SLC25A24: variants seen among roughly 807,000 people sequenced by gnomAD.
SLC25A24 encodes solute carrier family 25 member 24, also known as mitochondrial adenyl nucleotide antiporter SLC25A24.
SLC25A24 carries 49 observed loss-of-function variants against 60.7 expected under a neutral mutation model. The ratio of observed to expected loss-of-function variants is 0.81; its 90% CI spans 0.64 to 1.02. The LOEUF is 1.02. SLC25A24 is among the 50% of genes least tolerant of loss of function. The probability of loss-of-function intolerance (pLI) is 0.00; values close to 1 mark genes in which losing one functional copy is unlikely to be tolerated. For synonymous variants in SLC25A24, 202 were observed against 200.6 expected (o/e 1.01, Z -0.06); for missense variants, 564 against 586.3 (o/e 0.96, Z 0.39).
intron 1 of SLC25A24, among the ~76,000 whole-genome samples, chr1:108,186,181 T>C (rs750370014): frequency 4.6e-5 from 7 of 152,222 alleles, no homozygotes; most frequent in Non-Finnish European, 8.8e-5. Flanking sequence ...AAATGATGCA[T>C]TGATTTTTAT....
intron 3 of SLC25A24, among the ~76,000 whole-genome samples, chr1:108,167,688 G>C (rs566017217): frequency 2.0e-5 from 3 of 152,158 alleles, no homozygotes; most frequent in Admixed American, 1.3e-4. Flanking sequence ...TGCGCCCACT[G>C]TCTGGCACTC....
At chr1:108,144,086 G>A (rs1679519616) in intron 7 of SLC25A24, among the ~76,000 whole-genome samples, 1 of 152,118 alleles carries the variant, frequency 6.6e-6, no homozygotes, top group Non-Finnish European at 1.5e-5. Flanking sequence ...AGTTGGGAAG[G>A]TGATACTATT....
chr1:108,151,830 T>G (rs1329106683), intron 6 of SLC25A24, among the ~76,000 whole-genome samples: 1 of 152,216 alleles, frequency 6.6e-6, no homozygotes, highest in Non-Finnish European at 1.5e-5. Flanking sequence ...GATATTGTAT[T>G]CTCTTTGAAT....
chr1:108,199,686 A>T, intron 1 of SLC25A24: 2 of 537,994 alleles, frequency 3.7e-6, no homozygotes, highest in South Asian at 5.5e-5. Context: ...TGTCTTAAAA[A>T]TTTAACAGTG....
intron 6 of SLC25A24, among the ~76,000 whole-genome samples, chr1:108,152,508 C>A (rs1210930265): frequency 6.6e-6 from 1 of 152,056 alleles, no homozygotes; most frequent in Non-Finnish European, 1.5e-5. Flanking sequence ...AGGCACACAC[C>A]CCCACGCCCA....
In SLC25A24 at chr1:108,180,658, C is replaced by G. The variant is rs866666516; in HGVS notation, c.398+1283G>C. On this transcript the variant is annotated intron_variant, in intron 3 of 9. Coordinates refer to ENST00000565488, the MANE Select transcript of SLC25A24 (RefSeq NM_013386.5). ...TCTCTCTCTCTCTCTCTCTCTCTCT[C>G]TCTCTCTCTGCCATATGACAATACA... Among the ~76,000 whole-genome samples, 108 of 105,026 alleles carry G rather than the reference C, an allele frequency of 1.0e-3. 1 individual carries two copies. The highest frequency in any genetic ancestry group is 3.7e-3 in the African/African-American group (105 of 28,734). 68.9% of individuals were successfully genotyped at this position (105,026 alleles called of 152,430 possible).
At chr1:108,195,656 GTCT>G (rs1460813071) in intron 1 of SLC25A24, among the ~76,000 whole-genome samples, 2 of 152,074 alleles carry the variant, frequency 1.3e-5, no homozygotes, top group Non-Finnish European at 2.9e-5. Context: ...TTCATATCAT[GTCT>G]TCTTAATATT....
chr1:108,165,740 T>G (rs1476160038), intron 3 of SLC25A24, among the ~76,000 whole-genome samples: 1 of 152,234 alleles, frequency 6.6e-6, no homozygotes, highest in Non-Finnish European at 1.5e-5. Context: ...GTCTTGACTC[T>G]GTATCCAATT....
At chr1:108,190,138 G>A (rs1372801340) in intron 1 of SLC25A24, among the ~76,000 whole-genome samples, 1 of 152,140 alleles carries the variant, frequency 6.6e-6, no homozygotes, top group Non-Finnish European at 1.5e-5. Context: ...TGTATTGACA[G>A]AGACTCAAAG....
chr1:108,150,039 C>T (rs12410160), intron 6 of SLC25A24, among the ~76,000 whole-genome samples: 17,670 of 152,224 alleles, frequency 0.12, 1,149 homozygotes, highest in South Asian at 0.2. Context: ...CATAAAACTC[C>T]TCTTCTGCAT....
At chr1:108,162,548 T>C (rs1237423436) in intron 3 of SLC25A24, among the ~76,000 whole-genome samples, 5 of 151,678 alleles carry the variant, frequency 3.3e-5, no homozygotes, top group Admixed American at 6.5e-5. Flanking sequence ...TGGCCAGTGA[T>C]GGTGAGCATT....
chr1:108,157,517 C>T lies in SLC25A24; in HGVS notation c.614G>A (p.Gly205Asp), dbSNP rs1679935708. Residue 205 changes from glycine to aspartate, a missense_variant, in exon 5 of 10, where the codon GGT (glycine) becomes GAT (aspartate). By Grantham distance (94) the Gly-to-Asp change is moderately conservative. Coordinates refer to ENST00000565488, the MANE Select transcript of SLC25A24 (RefSeq NM_013386.5). ...WRQLLAGGIAGAVSRTSTAPL... is the reference protein window; with the variant it reads ...WRQLLAGGIADAVSRTSTAPL... ...GGCAGTGCTTGTTCGAGAGACAGCA[C>T]CAGCAATGCCTCCTGCCAAAAGCTG... 1 of 1,614,040 alleles carries T rather than the reference C, an allele frequency of 6.2e-7. No individual in the cohort carries two copies. The highest frequency in any genetic ancestry group is 1.7e-5 in the Admixed American group (1 of 59,994).
rs1317903371 is a variant in SLC25A24, at chr1:108,163,208, T to C, written c.399-1915A>G. 2.6e-4 allele frequency among the ~76,000 whole-genome samples: 28 copies of C among 107,016 alleles called. 9 individuals are homozygous for C. Among genetic ancestry groups the C allele is most frequent in the Non-Finnish European group, 4.6e-4 (24 of 52,074 alleles). The allele number at this position is 107,016 out of a possible 152,430, so 70.2% of individuals were successfully genotyped here. A position where few individuals can be genotyped will look rare whatever the true frequency, so the allele number is the denominator to read the frequency against. On this transcript the variant is annotated intron_variant, in intron 3 of 9. Coordinates refer to ENST00000565488, the MANE Select transcript of SLC25A24 (RefSeq NM_013386.5). ...GTTTGGTTACTGTAGCCTTGTAGTA[T>C]AGTTTGAAGTCAGGTAGCATGATGC...
At chr1:108,174,379 G>A (rs1005557002) in intron 3 of SLC25A24, among the ~76,000 whole-genome samples, 1 of 152,192 alleles carries the variant, frequency 6.6e-6, no homozygotes, top group South Asian at 2.1e-4. Context: ...TGAGTCTGCG[G>A]GCACACAGAA....
intron 3 of SLC25A24, among the ~76,000 whole-genome samples, chr1:108,165,793 A>G (rs957364752): frequency 1.6e-4 from 24 of 152,148 alleles, no homozygotes; most frequent in African/African-American, 5.8e-4. Context: ...GTCCATTTAC[A>G]TTTAAAGTTA....
chr1:108,179,556 T>A (rs895106651), intron 3 of SLC25A24, among the ~76,000 whole-genome samples: 10 of 152,108 alleles, frequency 6.6e-5, no homozygotes, highest in Non-Finnish European at 1.3e-4. Flanking sequence ...GCTATATATA[T>A]ACAATAGAAA....
chr1:108,161,832 A>AC (rs953791117), intron 3 of SLC25A24, among the ~76,000 whole-genome samples: 8 of 151,956 alleles, frequency 5.3e-5, no homozygotes, highest in African/African-American at 1.9e-4. Flanking sequence ...GTTTTAGGGT[A>AC]CATGTGCACA....
Position 108,147,951 on chromosome 1 carries a change from T to C in SLC25A24, c.930+328A>G, listed in dbSNP as rs926216037. On this transcript the variant is annotated intron_variant, in intron 7 of 9. Transcript: ENST00000565488. Reference sequence around the variant, plus strand: ...CTCTAGGGAAGCCAGCTACTGTGTTTTGAGGATACTCAGGCAGCCTACAGA... The same window carrying C: ...CTCTAGGGAAGCCAGCTACTGTGTTCTGAGGATACTCAGGCAGCCTACAGA... 2.3e-4 allele frequency among the ~76,000 whole-genome samples: 35 copies of C among 152,284 alleles called. No individual in the cohort carries two copies. In the South Asian group the frequency reaches 2.5e-3, roughly 11 times the overall value.
intron 3 of SLC25A24, among the ~76,000 whole-genome samples, chr1:108,172,032 A>G (rs926600286): frequency 2.6e-5 from 4 of 152,224 alleles, no homozygotes; most frequent in African/African-American, 9.6e-5. Context: ...ACTGGAGTGA[A>G]GGGTTCCAAG....
Sources: gnomAD v4.1 joint callset for allele counts (sites outside exome capture counted in the v4.1 genomes callset) on GRCh38, gnomAD v4.1.1 for gene constraint, MANE v1.5 for transcripts, NCBI Gene and HGNC (gene_info 2026-07-23, HGNC 2026-07-21) for gene names.